The following SLC17A1 variants were observed in gnomAD, a reference collection of about 807,000 sequenced individuals.
The protein encoded by SLC17A1 is solute carrier family 17 member 1.
Under a neutral mutation model 53.5 loss-of-function variants are expected in SLC17A1, and 51 were observed. The observed-to-expected ratio is 0.95, with a 90% CI of 0.76 to 1.20. The LOEUF is 1.20. Ranked by LOEUF, SLC17A1 falls within the 50% of genes most tolerant of loss-of-function variation. The pLI is 0.00. For synonymous variants in SLC17A1, 179 were observed against 198.8 expected, an observed-to-expected ratio of 0.90 and a Z score of 0.84; for missense variants, 538 against 568.2, an observed-to-expected ratio of 0.95 and a Z score of 0.54.
intron 10 of SLC17A1, among the ~76,000 whole-genome samples, chr6:25,810,713 AG>A (rs1167690872): frequency 6.6e-6 from 1 of 152,200 alleles, no homozygotes; most frequent in African/African-American, 2.4e-5. Flanking sequence ...AAAAATTAAA[AG>A]TATAACCACT....
At chr6:25,794,678 A>G (rs1015367551) in intron 12 of SLC17A1, among the ~76,000 whole-genome samples, 2 of 152,204 alleles carry the variant, frequency 1.3e-5, no homozygotes, top group African/African-American at 2.4e-5. Flanking sequence ...ACAGCTGTCT[A>G]CTAAACTCAT....
chr6:25,761,979 A>G, the SLC17A1 span: 1 of 1,613,406 alleles, frequency 6.2e-7, no homozygotes, highest in Non-Finnish European at 8.5e-7. Context: ...ACCGGACCAG[A>G]TGTCAAGGCT....
intron 10 of SLC17A1, among the ~76,000 whole-genome samples, chr6:25,809,992 G>A (rs80102067): frequency 0.02 from 3,060 of 152,066 alleles, 88 homozygotes; most frequent in African/African-American, 0.067. Flanking sequence ...TTTGACAGAG[G>A]TGCCAAGAAC....
intron 6 of SLC17A1, among the ~76,000 whole-genome samples, chr6:25,817,378 C>T (rs1333927481): frequency 2.0e-5 from 3 of 152,178 alleles, no homozygotes; most frequent in African/African-American, 7.2e-5. Context: ...CATACGTGGA[C>T]ATCATGTAAT....
intron 2 of SLC17A1, among the ~76,000 whole-genome samples, chr6:25,828,859 G>A (rs1387321431): frequency 6.6e-6 from 1 of 152,006 alleles, no homozygotes; most frequent in African/African-American, 2.4e-5. Context: ...GTCATTTGCA[G>A]CTATAAAAAT....
At chr6:25,736,050 G>A in the SLC17A1 span, among the ~76,000 whole-genome samples, 1 of 146,776 alleles carries the variant, frequency 6.8e-6, no homozygotes, top group Admixed American at 7.1e-5. Flanking sequence ...TGCTCTTGGA[G>A]CACTTTAAAA....
At chr6:25,828,147 A>T (rs1487388484) in intron 2 of SLC17A1, among the ~76,000 whole-genome samples, 1 of 152,198 alleles carries the variant, frequency 6.6e-6, no homozygotes, top group East Asian at 1.9e-4. Context: ...TAGACATTCC[A>T]GTTCCAAGGT....
At chr6:25,727,398 G>GAT in the SLC17A1 span, 5 of 888,076 alleles carry the variant, frequency 5.6e-6, no homozygotes, top group South Asian at 1.1e-4. Flanking sequence ...TAACCGTAAG[G>GAT]GTTTTTTTTT....
intron 6 of SLC17A1, among the ~76,000 whole-genome samples, chr6:25,813,605 A>C (rs1764237092): frequency 6.6e-6 from 1 of 152,184 alleles, no homozygotes; most frequent in Non-Finnish European, 1.5e-5. Context: ...TCAGGGATAC[A>C]AGTGCAGTTT....
intron 10 of SLC17A1, among the ~76,000 whole-genome samples, chr6:25,810,499 A>G (rs1227121309): frequency 1.3e-5 from 2 of 152,190 alleles, no homozygotes; most frequent in African/African-American, 4.8e-5. Flanking sequence ...GTATATGAAA[A>G]CAATGCCCAA....
chr6:25,831,527 C>CA (rs1764949053), intron 1 of SLC17A1, among the ~76,000 whole-genome samples: 1 of 152,108 alleles, frequency 6.6e-6, no homozygotes, highest in Admixed American at 6.5e-5. Flanking sequence ...ACAACATAAA[C>CA]ACATGGTACA....
chr6:25,789,971 G>A lies in SLC17A1; in HGVS notation c.*3-6753C>T, dbSNP rs567092097. On this transcript the variant is annotated intron_variant, in intron 12 of 12. Transcript: ENST00000244527. ...GTCCTTGTTTGCAGGATACCCTAAA[G>A]TGTGTGAGTGGTGTGGAGATGATGG... 9.4e-4 allele frequency among the ~76,000 whole-genome samples: 143 copies of A among 152,256 alleles called. 1 individual carries two copies. The highest frequency in any genetic ancestry group is 3.2e-3 in the African/African-American group (133 of 41,562).
chr6:25,823,993 T>G (rs1032690000), intron 3 of SLC17A1, among the ~76,000 whole-genome samples: 7 of 151,922 alleles, frequency 4.6e-5, no homozygotes, highest in African/African-American at 1.4e-4. Flanking sequence ...GGCAATTCAG[T>G]GGAGAAAGAA....
chr6:25,726,943 C>T, the SLC17A1 span: 2 of 1,613,806 alleles, frequency 1.2e-6, no homozygotes, highest in Non-Finnish European at 8.5e-7. Flanking sequence ...GCTACCATTT[C>T]CAAGAAGGGC....
chr6:25,804,447 A>G (rs1763889314), intron 10 of SLC17A1, among the ~76,000 whole-genome samples: 1 of 152,160 alleles, frequency 6.6e-6, no homozygotes, highest in Non-Finnish European at 1.5e-5. Context: ...TCTTTACAGC[A>G]TAAAACCCAC....
At chr6:25,732,735 C>CA in the SLC17A1 span, 2 of 1,211,696 alleles carry the variant, frequency 1.7e-6, no homozygotes, top group African/African-American at 3.0e-5. Flanking sequence ...GCCCGAGTGA[C>CA]AATGGCTTAG....
downstream of SLC17A1, chr6:25,779,395 T>C: frequency 1.8e-6 from 1 of 555,968 alleles, no homozygotes; most frequent in Non-Finnish European, 3.0e-6. Flanking sequence ...ATAGGTGTGT[T>C]GAGATTTCTG....
intron 3 of SLC17A1, among the ~76,000 whole-genome samples, chr6:25,823,565 T>C (rs1477139323): frequency 6.6e-6 from 1 of 152,116 alleles, no homozygotes; most frequent in Non-Finnish European, 1.5e-5. Context: ...CAATGTCAAA[T>C]GATATACAGC....
At chr6:25,790,237 C>A (rs1300190792) in intron 12 of SLC17A1, among the ~76,000 whole-genome samples, 1 of 152,012 alleles carries the variant, frequency 6.6e-6, no homozygotes, top group Non-Finnish European at 1.5e-5. Flanking sequence ...TTTAATACCC[C>A]AATAGATTAA....
Sources: gnomAD v4.1 joint callset for allele counts (sites outside exome capture counted in the v4.1 genomes callset) on GRCh38, gnomAD v4.1.1 for gene constraint, MANE v1.5 for transcripts, NCBI Gene and HGNC (gene_info 2026-07-23, HGNC 2026-07-21) for gene names.